SNX14: variants seen among roughly 807,000 people sequenced by gnomAD.
SNX14 encodes sorting nexin-14.
A neutral mutation model predicts 133.8 loss-of-function variants in SNX14; 93 were observed. The ratio of observed to expected loss-of-function variants is 0.70; its 90% CI spans 0.59 to 0.83. The LOEUF (loss-of-function observed/expected upper bound fraction) is 0.83, where lower values mean the gene tolerates loss of function less well. SNX14 is among the 40% of genes least tolerant of loss of function. The pLI is 0.00. For synonymous variants in SNX14, 368 were observed against 365.6 expected (o/e 1.01, Z -0.07); for missense variants, 945 against 1,094.9 (o/e 0.86, Z 1.93).
Position 85,517,780 on chromosome 6 carries a change from G to C in SNX14, c.2244C>G (p.Ser748Arg). ...CCTTCTTGTTGTTTTCTGAAGTAGG[G>C]CTGAGAATGGTCAGTTCTGGTCTAC... ...KPSRPELTIL[S>R]PTSENNKKLF... is the part of the protein sequence containing the mutation. Residue 748 changes from serine to arginine, a missense_variant, in exon 23 of 29, where the codon AGC (serine) becomes AGG (arginine). This residue lies in a region of SNX14 where 412 missense variants were observed against 516.6 expected (regional missense o/e 0.80). Transcript: ENST00000314673. The C allele has an allele frequency of 1.2e-6, 2 of 1,603,554 alleles. No individual in the cohort carries two copies. Among genetic ancestry groups the C allele is most frequent in the Non-Finnish European group, 1.7e-6 (2 of 1,177,396 alleles).
intron 7 of SNX14, among the ~76,000 whole-genome samples, chr6:85,556,090 T>C (rs1028064924): frequency 2.0e-5 from 3 of 152,142 alleles, no homozygotes; most frequent in Non-Finnish European, 2.9e-5. Context: ...TATCAAGTAA[T>C]GTAAGATGTT....
At chr6:85,575,747 G>A (rs1797117353) in intron 1 of SNX14, among the ~76,000 whole-genome samples, 1 of 152,168 alleles carries the variant, frequency 6.6e-6, no homozygotes, top group Non-Finnish European at 1.5e-5. Context: ...GAGTGGTTAT[G>A]GCACAAGGAT....
chr6:85,558,747 T>TTA (rs1225315115), intron 6 of SNX14, among the ~76,000 whole-genome samples: 1 of 152,068 alleles, frequency 6.6e-6, no homozygotes, highest in African/African-American at 2.4e-5. Context: ...AGTGCTGGGA[T>TTA]TAAAGGCATT....
intron 21 of SNX14, among the ~76,000 whole-genome samples, chr6:85,521,145 T>A (rs1338496857): frequency 6.6e-6 from 1 of 152,206 alleles, no homozygotes; most frequent in Non-Finnish European, 1.5e-5. Context: ...TTCCCAAACA[T>A]GATTCTAATT....
In SNX14 at chr6:85,574,315, T is replaced by G. The variant is rs757425175; in HGVS notation, c.204A>C (p.Ser68=). 2.5e-6 allele frequency: 4 copies of G among 1,594,564 alleles called. No individual in the cohort carries two copies. The African/African-American group carries it at 4.0e-5, about 16-fold the overall frequency. ...TTGGTAAGAGAGAATCAGGTCCTAG[T>G]GAGCAGTAGAATGTGACAACTCCAG... ...FVAGVVTFYC[S]LGPDSLLPNI... The change falls in exon 2 of 29, where the codon TCA becomes TCC. Residue 68 remains serine, a synonymous_variant. Coordinates refer to ENST00000314673, the MANE Select transcript of SNX14 (RefSeq NM_153816.6).
Position 85,514,181 on chromosome 6 carries a change from G to C in SNX14, c.2446C>G (p.Arg816Gly). The stretch of plus-strand genomic sequence containing the variant: ...TCCAGGGTGTTTTTAAAGAGGATTC[G>C]AGTTCCCATTAAGAGATGATGAAGC... Reference protein sequence around the residue: ...DWLHHLLMGTRILFKNTLEMY... With the variant: ...DWLHHLLMGTGILFKNTLEMY... The change falls in exon 25 of 29, where the codon CGA becomes GGA. Residue 816 changes from arginine (R) to glycine (G), a missense_variant. Physicochemically the swap from Arg to Gly is moderately radical, Grantham distance 125. Coordinates refer to ENST00000314673, the MANE Select transcript of SNX14 (RefSeq NM_153816.6). 6.2e-7 allele frequency: 1 copy of C among 1,613,932 alleles called. No individual in the cohort carries two copies. Among genetic ancestry groups the C allele is most frequent in the Non-Finnish European group, 8.5e-7 (1 of 1,179,936 alleles).
intron 1 of SNX14, among the ~76,000 whole-genome samples, chr6:85,593,206 T>C (rs996262368): frequency 6.6e-6 from 1 of 152,192 alleles, no homozygotes; most frequent in Non-Finnish European, 1.5e-5. Context: ...AAATTGCGGC[T>C]ACGAACTGGA....
chr6:85,533,955 G>A (rs1368278848), intron 17 of SNX14, among the ~76,000 whole-genome samples, 155 bp from the exon 18 acceptor site: 1 of 152,000 alleles, frequency 6.6e-6, no homozygotes, highest in Non-Finnish European at 1.5e-5. Flanking sequence ...AAAAAGTAAA[G>A]GTAAAAAGTT....
chr6:85,567,886 G>A (rs1341116117), intron 4 of SNX14: 2 of 190,744 alleles, frequency 1.0e-5, no homozygotes, highest in Non-Finnish European at 2.1e-5. Flanking sequence ...GGGGGGCTGA[G>A]GCAGGAGTAT....
chr6:85,571,977 T>C (rs1441891153), intron 4 of SNX14, among the ~76,000 whole-genome samples, 160 bp downstream of exon 4: 1 of 152,242 alleles, frequency 6.6e-6, no homozygotes, highest in Non-Finnish European at 1.5e-5. Flanking sequence ...TCTAGCTTAC[T>C]ACTCAAGTTG....
Position 85,507,913 on chromosome 6 carries a change from T to C in SNX14, c.2745+55A>G. Reference sequence around the variant, plus strand: ...ACTAATGAGTTACCAGACACCTTACTACGTCGTTCACCAAACCTAGCCAGC... The same window carrying C: ...ACTAATGAGTTACCAGACACCTTACCACGTCGTTCACCAAACCTAGCCAGC... On this transcript the variant is annotated intron_variant, in intron 27 of 28. Transcript: ENST00000314673. The C allele has an allele frequency of 1.2e-5, 17 of 1,392,926 alleles. No homozygotes were observed. The South Asian group carries it at 1.8e-4, about 15-fold the overall frequency. 86.3% of individuals were successfully genotyped at this position (1,392,926 alleles called of 1,614,324 possible).
intron 7 of SNX14, among the ~76,000 whole-genome samples, chr6:85,554,531 C>A (rs1055575777): frequency 6.6e-6 from 1 of 152,010 alleles, no homozygotes; most frequent in Non-Finnish European, 1.5e-5. Flanking sequence ...AATGAAAAAT[C>A]AAAAATTTGA....
At chr6:85,575,720 T>A (rs1797108042) in intron 1 of SNX14, among the ~76,000 whole-genome samples, 1 of 152,186 alleles carries the variant, frequency 6.6e-6, no homozygotes, top group African/African-American at 2.4e-5. Flanking sequence ...TAGTGAACTT[T>A]TTGACAACAA....
Position 85,505,807 on chromosome 6 carries a change from A to C in SNX14, c.*160T>G. On this transcript the variant is annotated 3_prime_UTR_variant, in exon 29 of 29. Transcript: ENST00000314673. ...AGACTATGAGACTCAATCACTTTTA[A>C]TCATTAAGTTTGTGTTAGTCTTTAT... 1 of 615,994 alleles carries C rather than the reference A, an allele frequency of 1.6e-6. No homozygotes were observed. The highest frequency in any genetic ancestry group is 2.9e-6 in the Non-Finnish European group (1 of 350,714). The allele number at this position is 615,994 out of a possible 1,614,324, so 38.2% of individuals were successfully genotyped here. A position where few individuals can be genotyped will look rare whatever the true frequency, so the allele number is the denominator to read the frequency against.
At chr6:85,544,768 C>T (rs1784944138) in intron 12 of SNX14, among the ~76,000 whole-genome samples, 1 of 152,170 alleles carries the variant, frequency 6.6e-6, no homozygotes, top group Non-Finnish European at 1.5e-5. Context: ...TTTTCAGACA[C>T]ACAAAAGCTA....
chr6:85,565,660 G>A (rs1248194422), intron 5 of SNX14, among the ~76,000 whole-genome samples: 1 of 152,076 alleles, frequency 6.6e-6, no homozygotes, highest in Non-Finnish European at 1.5e-5. Flanking sequence ...TTTCCTTGCA[G>A]ACATACACGA....
rs1297878354 is a variant in SNX14 at position 85,593,828 on chromosome 6, G to A, written c.-110C>T. The A allele has an allele frequency of 1.3e-5, 20 of 1,544,718 alleles. No homozygotes were observed. Among genetic ancestry groups the A allele is most frequent in the Non-Finnish European group, 1.7e-5 (20 of 1,152,594 alleles). ...CACCGACTTGGCGGCGCACACAGACGCCTACCGGCAGTTAGCCGCCGCAGG... is the reference window on the plus strand; with the variant it reads ...CACCGACTTGGCGGCGCACACAGACACCTACCGGCAGTTAGCCGCCGCAGG... On this transcript the variant is annotated 5_prime_UTR_variant, in exon 1 of 29. Transcript: ENST00000314673.
At chr6:85,529,917 G>C (rs1779695606) in intron 19 of SNX14, among the ~76,000 whole-genome samples, 1 of 152,092 alleles carries the variant, frequency 6.6e-6, no homozygotes, top group African/African-American at 2.4e-5. Flanking sequence ...AGAGTAAATA[G>C]AGAACCCTTT....
chr6:85,507,513 T>C (rs1185315424), intron 27 of SNX14, among the ~76,000 whole-genome samples: 1 of 152,188 alleles, frequency 6.6e-6, no homozygotes, highest in Non-Finnish European at 1.5e-5. Context: ...GACACTTTCA[T>C]TATGCCTCAT....
Sources: gnomAD v4.1 joint callset for allele counts (sites outside exome capture counted in the v4.1 genomes callset) on GRCh38, gnomAD v4.1.1 for gene constraint, gnomAD v4.1.1 regional missense constraint, MANE v1.5 for transcripts, NCBI Gene and HGNC (gene_info 2026-07-23, HGNC 2026-07-21) for gene names.